The following TAB2 variants were observed in gnomAD, a reference collection of about 807,000 sequenced individuals.
TAB2 encodes TGF-beta activated kinase 1 (MAP3K7) binding protein 2, also known as TGF-beta-activated kinase 1 and MAP3K7-binding protein 2.
Under a neutral mutation model 65.0 loss-of-function variants are expected in TAB2, and 3 were observed. The ratio of observed to expected loss-of-function variants is 0.05; its 90% CI spans 0.02 to 0.12. The LOEUF is 0.12. TAB2 is among the 10% of genes least tolerant of loss of function. The pLI, the probability that TAB2 is intolerant of heterozygous loss-of-function variation, is 1.00. For synonymous variants in TAB2, 298 were observed against 285.1 expected (o/e 1.05, Z -0.46); for missense variants, 623 against 840.3 (o/e 0.74, Z 3.20).
intron 1 of TAB2, among the ~76,000 whole-genome samples, chr6:149,297,694 T>A (rs1444042492): frequency 6.6e-6 from 1 of 152,066 alleles, no homozygotes; most frequent in Non-Finnish European, 1.5e-5. Flanking sequence ...TTGGATAATT[T>A]TTTTTGTTTT....
At position 149,373,049 on chromosome 6, in the gene TAB2, T is replaced by A. The variant is rs548963968; in HGVS notation, c.102+2950T>A. ...AGGGAGAGAACAAAAGTGTCTATCC[T>A]CTTTTCTCTTAAGTTTATCTGTTGC... On this transcript the variant is annotated intron_variant, in intron 2 of 6. Coordinates refer to ENST00000637181, the MANE Select transcript of TAB2 (RefSeq NM_001292034.3). Among the ~76,000 whole-genome samples the A allele has an allele frequency of 2.0e-5, 3 of 152,350 alleles. No individual in the cohort carries two copies. In the East Asian group the frequency reaches 5.8e-4, roughly 29 times the overall value.
At chr6:149,327,912 C>G (rs535226007) in intron 1 of TAB2, among the ~76,000 whole-genome samples, 1 of 152,164 alleles carries the variant, frequency 6.6e-6, no homozygotes, top group African/African-American at 2.4e-5. Flanking sequence ...AATTGTTTGG[C>G]CTGCATGAGA....
At chr6:149,337,460 G>A (rs934025255) in intron 1 of TAB2, among the ~76,000 whole-genome samples, 14 of 152,054 alleles carry the variant, frequency 9.2e-5, no homozygotes, top group Non-Finnish European at 1.6e-4. Context: ...CCACACTGAG[G>A]GGTTTTAGCT....
chr6:149,371,089 A>AAG (rs1781211406), intron 2 of TAB2, among the ~76,000 whole-genome samples: 1 of 144,460 alleles, frequency 6.9e-6, no homozygotes, highest in Non-Finnish European at 1.5e-5. Flanking sequence ...AAAAAAAAAA[A>AAG]AGTGTCCGGG....
intron 1 of TAB2, among the ~76,000 whole-genome samples, chr6:149,241,412 A>T (rs890864315): frequency 6.6e-6 from 1 of 152,152 alleles, no homozygotes; most frequent in Non-Finnish European, 1.5e-5. Context: ...AATGATTTTT[A>T]ATGTTTTTAA....
rs1554254267 is a variant in TAB2, at chr6:149,254,006, G to GAAAGAAAGAAAGAA, written c.-121+35232_-121+35245dup. Among the ~76,000 whole-genome samples the GAAAGAAAGAAAGAA allele has an allele frequency of 1.7e-3, 232 of 139,122 alleles. 2 individuals are homozygous for GAAAGAAAGAAAGAA. The highest frequency in any genetic ancestry group is 5.9e-3 in the African/African-American group (222 of 37,450). 91.3% of individuals were successfully genotyped at this position (139,122 alleles called of 152,430 possible). ...AGAAAGAAAGAAAGAAAGAAAGAAAGAAAGAAAGAAAGAAAGAAAAGAAAG... is the reference window on the plus strand; with the variant it reads ...AGAAAGAAAGAAAGAAAGAAAGAAAGAAAGAAAGAAAGAAAAAGAAAGAAAGAAAGAAAAGAAAG... On this transcript the variant is annotated intron_variant, in intron 1 of 1. Transcript: ENST00000606202.
chr6:149,316,050 T>G (rs927683157), upstream of TAB2, among the ~76,000 whole-genome samples: 2 of 152,232 alleles, frequency 1.3e-5, no homozygotes, highest in Non-Finnish European at 2.9e-5. Flanking sequence ...ATTCAGTTTA[T>G]CTAAAATTAT....
At chr6:149,357,860 C>T (rs374390755) in intron 1 of TAB2, among the ~76,000 whole-genome samples, 10 of 152,164 alleles carry the variant, frequency 6.6e-5, no homozygotes, top group South Asian at 2.1e-4. Flanking sequence ...CCCCTACGCC[C>T]GGCTGATTTT....
chr6:149,257,185 A>G (rs1008378989), intron 1 of TAB2, among the ~76,000 whole-genome samples: 1 of 152,188 alleles, frequency 6.6e-6, no homozygotes, highest in East Asian at 1.9e-4. Flanking sequence ...CACATCTTAC[A>G]ACACCCAGTA....
At chr6:149,308,517 TTTAC>T (rs59267588) in intron 1 of TAB2, among the ~76,000 whole-genome samples, 49,464 of 133,242 alleles carry the variant, frequency 0.37, 8,233 homozygotes, top group Admixed American at 0.42. Flanking sequence ...TATTTATTTA[TTTAC>T]TTATTTATTT....
intron 1 of TAB2, among the ~76,000 whole-genome samples, chr6:149,361,454 G>T (rs1291155849): frequency 6.6e-6 from 1 of 152,202 alleles, no homozygotes; most frequent in Non-Finnish European, 1.5e-5. Context: ...GATTCAGGGA[G>T]CAGTGTCCTG....
intron 6 of TAB2, among the ~76,000 whole-genome samples, chr6:149,403,250 ATATAT>A (rs1782513748): frequency 1.9e-4 from 3 of 15,528 alleles, no homozygotes; most frequent in Admixed American, 1.0e-3. Flanking sequence ...AAAAAAAAAT[ATATAT>A]ATATATATAT....
intron 1 of TAB2, among the ~76,000 whole-genome samples, chr6:149,324,346 C>A (rs1274302981): frequency 6.6e-6 from 1 of 151,970 alleles, no homozygotes; most frequent in Non-Finnish European, 1.5e-5. Context: ...AATTTTTGAT[C>A]TATAAATTTT....
intron 1 of TAB2, among the ~76,000 whole-genome samples, chr6:149,312,347 CT>C (rs1001136095): frequency 1.3e-5 from 2 of 151,846 alleles, no homozygotes; most frequent in African/African-American, 2.4e-5. Flanking sequence ...TTTCCATGTG[CT>C]TTTTTTTAAT....
At position 149,288,177 on chromosome 6, in the gene TAB2, C is replaced by T. The variant is rs115037970; in HGVS notation, c.-121+69401C>T. Among the ~76,000 whole-genome samples the T allele has an allele frequency of 1.9e-3, 295 of 152,276 alleles. 1 individual carries two copies. Among genetic ancestry groups the T allele is most frequent in the African/African-American group, 6.7e-3 (277 of 41,556 alleles). On this transcript the variant is annotated intron_variant, in intron 1 of 1. Coordinates refer to the TAB2 transcript ENST00000606202. Reference sequence around the variant, plus strand: ...AAATGGTACTATCATCTCCAGATGACGAACCTGAGGTGCAAATATCCCAGT... The same window carrying T: ...AAATGGTACTATCATCTCCAGATGATGAACCTGAGGTGCAAATATCCCAGT...
In TAB2 at chr6:149,397,689, T is replaced by G; in HGVS notation, c.1689T>G (p.Ser563=). The change falls in exon 4 of 7, where the codon TCT becomes TCG. Residue 563 remains serine (S), a synonymous_variant. Coordinates refer to ENST00000637181, the MANE Select transcript of TAB2 (RefSeq NM_001292034.3). ...IQKKKLDKLK[S]EVNEMENNLT... The stretch of plus-strand genomic sequence containing the variant: ...AGAAAAAGCTGGATAAATTAAAATC[T>G]GAGGTTAATGAAATGGAAAATAATC... The G allele has an allele frequency of 6.2e-7, 1 of 1,614,120 alleles. No homozygotes were observed. Among genetic ancestry groups the G allele is most frequent in the Non-Finnish European group, 8.5e-7 (1 of 1,179,996 alleles).
chr6:149,397,751 C>T lies in TAB2; in HGVS notation c.1751C>T (p.Ser584Phe), dbSNP rs1473990780. 2.5e-6 allele frequency: 4 copies of T among 1,613,288 alleles called. No individual in the cohort carries two copies. The highest frequency in any genetic ancestry group is 3.4e-6 in the Non-Finnish European group (4 of 1,179,990). The change falls in exon 4 of 7, where the codon TCC (serine) becomes TTC (phenylalanine). Residue 584 changes from serine (S) to phenylalanine (F), a missense_variant. Transcript: ENST00000637181. ...CGCCTGAAAAGATCAAATTCTATAT[C>T]CCAGATACCTTCCGTAAGTCTTTAT... ...RRRLKRSNSI[S>F]QIPSLEEMQQ...
upstream of TAB2, among the ~76,000 whole-genome samples, chr6:149,313,560 C>G (rs1779200590): frequency 2.0e-5 from 3 of 152,196 alleles, no homozygotes; most frequent in South Asian, 6.2e-4. Context: ...TCATTCTGAG[C>G]TCCAGTCCCA....
At chr6:149,261,316 C>T (rs752578985) in intron 1 of TAB2, among the ~76,000 whole-genome samples, 4 of 151,978 alleles carry the variant, frequency 2.6e-5, no homozygotes, top group African/African-American at 4.8e-5. Flanking sequence ...CTGTGGTATA[C>T]AAAAATTTTT....
Sources: allele counts gnomAD v4.1 joint callset (sites outside exome capture counted in the v4.1 genomes callset), GRCh38; gene constraint gnomAD v4.1.1; transcripts MANE v1.5; gene names NCBI Gene and HGNC (gene_info 2026-07-23, HGNC 2026-07-21).